Variants in EDIL3 observed in about 807,000 individuals in gnomAD.
EDIL3 encodes EGF-like repeat and discoidin I-like domain-containing protein 3.
In EDIL3, 37 loss-of-function variants were observed where a neutral mutation model predicts 67.4. The ratio of observed to expected loss-of-function variants is 0.55; its 90% confidence interval spans 0.42 to 0.72. The LOEUF (loss-of-function observed/expected upper bound fraction) is 0.72, where lower values mean the gene tolerates loss of function less well. Ranked by LOEUF, EDIL3 falls within the 30% of genes least tolerant of loss-of-function variation. The probability of loss-of-function intolerance (pLI) is 0.00; values close to 1 mark genes in which losing one functional copy is unlikely to be tolerated. For synonymous variants in EDIL3, 195 were observed against 196.3 expected (o/e 0.99, Z 0.05); for missense variants, 527 against 586.3 (o/e 0.90, Z 1.04).
At chr5:84,133,777 A>G (rs577489904) in intron 5 of EDIL3, among the ~76,000 whole-genome samples, 1 of 152,184 alleles carries the variant, frequency 6.6e-6, no homozygotes, top group African/African-American at 2.4e-5. Flanking sequence ...TAAAAATAAT[A>G]AAACTTAACC....
At chr5:84,024,652 G>C (rs1745779981) in intron 9 of EDIL3, among the ~76,000 whole-genome samples, 1 of 151,986 alleles carries the variant, frequency 6.6e-6, no homozygotes, top group Non-Finnish European at 1.5e-5. Flanking sequence ...TCTGACTTGG[G>C]GTCCAAGTAG....
chr5:84,143,924 G>A (rs900129488), intron 4 of EDIL3, among the ~76,000 whole-genome samples: 2 of 151,940 alleles, frequency 1.3e-5, no homozygotes, highest in Non-Finnish European at 2.9e-5. Context: ...AGTAACCTTG[G>A]GATCATCATG....
At chr5:84,206,383 T>C (rs1466793799) in intron 3 of EDIL3, among the ~76,000 whole-genome samples, 2 of 152,122 alleles carry the variant, frequency 1.3e-5, no homozygotes, top group Non-Finnish European at 2.9e-5. Flanking sequence ...AAAAAATGTA[T>C]ATTCTGTTGA....
intron 1 of EDIL3, among the ~76,000 whole-genome samples, chr5:84,369,481 C>T (rs551388823): frequency 6.6e-6 from 1 of 152,120 alleles, no homozygotes; most frequent in African/African-American, 2.4e-5. Flanking sequence ...ATAAGCCAGT[C>T]TCACAAATAA....
chr5:83,948,879 T>C (rs1764570360), intron 10 of EDIL3, among the ~76,000 whole-genome samples: 1 of 151,858 alleles, frequency 6.6e-6, no homozygotes, highest in South Asian at 2.1e-4. Flanking sequence ...TTATTCTTGA[T>C]GTTTTTCTCT....
intron 1 of EDIL3, among the ~76,000 whole-genome samples, chr5:84,315,951 A>C (rs1005418434): frequency 6.6e-6 from 1 of 152,210 alleles, no homozygotes; most frequent in Non-Finnish European, 1.5e-5. Flanking sequence ...GTGGGGGCCA[A>C]TATTCAACAT....
rs856437 is a variant in EDIL3, at chr5:84,132,394, T to C, written c.469+4847A>G. On this transcript the variant is annotated intron_variant, in intron 5 of 10. Transcript: ENST00000296591. ...TATATTATATATAATATATTTTATA[T>C]ATAATATATATTTTAACATATATTA... 4.1e-4 allele frequency among the ~76,000 whole-genome samples: 37 copies of C among 91,122 alleles called. No individual in the cohort carries two copies. The East Asian group carries it at 5.9e-3, about 15-fold the overall frequency. The allele number at this position is 91,122 out of a possible 152,430, so 59.8% of individuals were successfully genotyped here. A position where few individuals can be genotyped will look rare whatever the true frequency, so the allele number is the denominator to read the frequency against.
chr5:84,366,963 T>G (rs961191618), intron 1 of EDIL3, among the ~76,000 whole-genome samples: 1 of 152,202 alleles, frequency 6.6e-6, no homozygotes, highest in Non-Finnish European at 1.5e-5. Context: ...AGATATATTT[T>G]AAATAATTAT....
At chr5:83,968,950 A>G (rs1211475416) in intron 9 of EDIL3, among the ~76,000 whole-genome samples, 1 of 151,830 alleles carries the variant, frequency 6.6e-6, no homozygotes, top group Non-Finnish European at 1.5e-5. Flanking sequence ...AGAAAACTTT[A>G]AAAACAAGTC....
chr5:84,309,314 T>C (rs1302708945), intron 1 of EDIL3, among the ~76,000 whole-genome samples: 1 of 126,544 alleles, frequency 7.9e-6, no homozygotes, highest in Non-Finnish European at 1.6e-5. Flanking sequence ...TTTTTCTTTG[T>C]TTTTTTTTTT....
intron 5 of EDIL3, among the ~76,000 whole-genome samples, chr5:84,109,122 G>A (rs1747513716): frequency 6.6e-6 from 1 of 152,066 alleles, no homozygotes; most frequent in African/African-American, 2.4e-5. Flanking sequence ...ACCAATGAGC[G>A]ATTTTGAAAA....
chr5:84,053,583 G>A (rs1011163851), intron 9 of EDIL3, among the ~76,000 whole-genome samples: 2 of 152,086 alleles, frequency 1.3e-5, no homozygotes, highest in African/African-American at 4.8e-5. Context: ...AAGAAGAAAA[G>A]AGAGAAGAAT....
At chr5:84,340,290 C>G (rs1259514292) in intron 1 of EDIL3, among the ~76,000 whole-genome samples, 1 of 151,602 alleles carries the variant, frequency 6.6e-6, no homozygotes, top group Non-Finnish European at 1.5e-5. Flanking sequence ...TGGAACTGAG[C>G]AGCTCTGCCA....
chr5:84,310,169 C>G (rs1746355831), intron 1 of EDIL3, among the ~76,000 whole-genome samples: 1 of 149,310 alleles, frequency 6.7e-6, no homozygotes, highest in Non-Finnish European at 1.5e-5. Context: ...ATAACTGAAC[C>G]TTGAAATCTA....
At chr5:84,311,729 T>C (rs1746393951) in intron 1 of EDIL3, among the ~76,000 whole-genome samples, 1 of 152,168 alleles carries the variant, frequency 6.6e-6, no homozygotes, top group Admixed American at 6.5e-5. Flanking sequence ...TTTGTGTCCC[T>C]GGGTACTTGA....
At chr5:84,227,690 T>C (rs1744482173) in intron 3 of EDIL3, among the ~76,000 whole-genome samples, 1 of 152,028 alleles carries the variant, frequency 6.6e-6, no homozygotes, top group Non-Finnish European at 1.5e-5. Context: ...GTGCTAATGG[T>C]GGATTGGATA....
intron 6 of EDIL3, among the ~76,000 whole-genome samples, chr5:84,093,642 A>G (rs946380859): frequency 1.3e-5 from 2 of 148,534 alleles, no homozygotes; most frequent in African/African-American, 2.5e-5. Context: ...GAAGCAGAAG[A>G]GATTTCAGAT....
chr5:83,993,269 C>T (rs1022208475), intron 9 of EDIL3, among the ~76,000 whole-genome samples: 4 of 152,156 alleles, frequency 2.6e-5, no homozygotes, highest in African/African-American at 9.7e-5. Flanking sequence ...ACCTCCTCGG[C>T]TCAGTTGATC....
chr5:84,162,552 G>C (rs1748632278), intron 4 of EDIL3, among the ~76,000 whole-genome samples: 1 of 152,058 alleles, frequency 6.6e-6, no homozygotes, highest in African/African-American at 2.4e-5. Context: ...GGAAGGTTCT[G>C]TGATGACATT....
Sources: gnomAD v4.1 joint callset for allele counts (sites outside exome capture counted in the v4.1 genomes callset) on GRCh38, gnomAD v4.1.1 for gene constraint, MANE v1.5 for transcripts, NCBI Gene and HGNC (gene_info 2026-07-23, HGNC 2026-07-21) for gene names.